Variants in NF1 observed in about 807,000 individuals in gnomAD.
NF1 encodes the protein neurofibromin 1, also known as neurofibromin.
A neutral mutation model predicts 325.7 loss-of-function variants in NF1; 122 were observed. The observed-to-expected ratio is 0.37, with a 90% CI of 0.32 to 0.44. The LOEUF (loss-of-function observed/expected upper bound fraction) is 0.44. NF1 is among the 20% of genes least tolerant of loss of function. The pLI, the probability that NF1 is intolerant of heterozygous loss-of-function variation, is 1.00. For synonymous variants in NF1, 1,091 were observed against 1,186.0 expected, an observed-to-expected ratio of 0.92 and a Z score of 1.65; for missense variants, 2,140 against 3,415.4, an observed-to-expected ratio of 0.63 and a Z score of 9.31.
intron 31 of NF1, among the ~76,000 whole-genome samples, chr17:31,256,823 A>G (rs940084021): frequency 1.3e-5 from 2 of 152,200 alleles, no homozygotes; most frequent in East Asian, 1.9e-4. Flanking sequence ...TCTTCATGCA[A>G]TAAACACTGT....
intron 8 of NF1, among the ~76,000 whole-genome samples, chr17:31,194,272 AAAT>A (rs1463245768): frequency 2.6e-5 from 4 of 152,184 alleles, no homozygotes; most frequent in Non-Finnish European, 5.9e-5. Context: ...ATATTAAGTG[AAAT>A]AAGCCAGGGA....
In NF1 at chr17:31,338,023, A is replaced by G. The variant is rs2069724442; in HGVS notation, c.6705-2A>G. 1 of 1,610,602 alleles carries G rather than the reference A, an allele frequency of 6.2e-7. No individual in the cohort carries two copies. Among genetic ancestry groups the G allele is most frequent in the Non-Finnish European group, 8.5e-7 (1 of 1,176,920 alleles). ...TAAGTTCTGTGGATCTTTTAATTGC[A>G]GATTTGCATTCCAATATAATCCATC... On this transcript the variant is annotated splice_acceptor_variant, in intron 44 of 57. Coordinates refer to ENST00000358273, the MANE Select transcript of NF1 (RefSeq NM_001042492.3). LOFTEE classifies it high-confidence loss of function.
At chr17:31,271,559 G>A (rs902380340) in intron 36 of NF1, among the ~76,000 whole-genome samples, 5 of 151,914 alleles carry the variant, frequency 3.3e-5, no homozygotes, top group Admixed American at 1.3e-4. Context: ...TGAGACCAGC[G>A]TGGCCAACAT....
At chr17:31,207,925 T>C (rs902862281) in intron 12 of NF1, among the ~76,000 whole-genome samples, 1 of 152,166 alleles carries the variant, frequency 6.6e-6, no homozygotes, top group Non-Finnish European at 1.5e-5. Flanking sequence ...TAATATTCAC[T>C]TCCTATTTAA....
intron 5 of NF1, among the ~76,000 whole-genome samples, chr17:31,177,529 G>A (rs990843207): frequency 2.6e-5 from 4 of 152,000 alleles, no homozygotes; most frequent in African/African-American, 9.7e-5. Context: ...TTGACAAATT[G>A]ACAGAAGTAG....
chr17:31,181,345 G>A (rs2066128609), intron 5 of NF1, 77 bp from the exon 6 acceptor site: 1 of 1,332,520 alleles, frequency 7.5e-7, no homozygotes, highest in Non-Finnish European at 1.1e-6. Context: ...ATACGTAAAT[G>A]GAAAGTTATT....
intron 30 of NF1, 44 bp downstream of exon 30, chr17:31,249,163 AT>A (rs2151451850): frequency 6.3e-7 from 1 of 1,596,066 alleles, no homozygotes; most frequent in East Asian, 2.2e-5. Flanking sequence ...CTAAAGTTAA[AT>A]TATGAAGAAT....
At chr17:31,115,376 G>C (rs1450956142) in intron 1 of NF1, among the ~76,000 whole-genome samples, 2 of 152,204 alleles carry the variant, frequency 1.3e-5, no homozygotes, top group African/African-American at 4.8e-5. Context: ...TTCCAGTTCA[G>C]TGGAACTGTG....
At chr17:31,140,540 C>G (rs1231861125) in intron 1 of NF1, among the ~76,000 whole-genome samples, 1 of 152,106 alleles carries the variant, frequency 6.6e-6, no homozygotes, top group African/African-American at 2.4e-5. Context: ...CACTTAAAAT[C>G]CTTATTTTAT....
At chr17:31,160,852 A>G (rs2065749870) in intron 3 of NF1, among the ~76,000 whole-genome samples, 1 of 152,244 alleles carries the variant, frequency 6.6e-6, no homozygotes, top group Admixed American at 6.5e-5. Context: ...CCTAATTGAA[A>G]TGCTAATAAG....
At chr17:31,188,713 C>T (rs1045818381) in intron 8 of NF1, among the ~76,000 whole-genome samples, 2 of 152,222 alleles carry the variant, frequency 1.3e-5, no homozygotes, top group Non-Finnish European at 2.9e-5. Flanking sequence ...CACCCTTAAT[C>T]TGGCTGGCTA....
intron 36 of NF1, chr17:31,297,652 C>T (rs957363864): frequency 6.6e-6 from 1 of 152,120 alleles, no homozygotes; most frequent in African/African-American, 2.4e-5. Flanking sequence ...TATTTTTTAA[C>T]TCCTGCCTTT....
At chr17:31,361,554 G>T (rs1379427320) in intron 57 of NF1, 1 of 152,098 alleles carries the variant, frequency 6.6e-6, no homozygotes, top group Non-Finnish European at 1.5e-5. Flanking sequence ...TTCTAAAATG[G>T]TTAAAAATAA....
chr17:31,135,417 C>G (rs1306558075), intron 1 of NF1, among the ~76,000 whole-genome samples: 1 of 152,058 alleles, frequency 6.6e-6, no homozygotes, highest in East Asian at 1.9e-4. Context: ...TGCCTGTATG[C>G]TTTATGTTTG....
chr17:31,319,148 C>T, intron 36 of NF1: 1 of 992,474 alleles, frequency 1.0e-6, no homozygotes, highest in Non-Finnish European at 1.5e-6. Flanking sequence ...CTAATATTCG[C>T]TACCCTGAAT....
intron 8 of NF1, among the ~76,000 whole-genome samples, chr17:31,183,867 A>G (rs945384190): frequency 6.6e-6 from 1 of 152,184 alleles, no homozygotes; most frequent in Non-Finnish European, 1.5e-5. Context: ...TCAGACTCCA[A>G]GTTCTTTAGT....
intron 1 of NF1, among the ~76,000 whole-genome samples, chr17:31,147,807 G>A (rs565002186): frequency 6.6e-6 from 1 of 152,272 alleles, no homozygotes; most frequent in East Asian, 1.9e-4. Context: ...ATTCTGCTTT[G>A]CTTTTCAGAA....
At chr17:31,145,434 C>T (rs1472093512) in intron 1 of NF1, among the ~76,000 whole-genome samples, 3 of 152,098 alleles carry the variant, frequency 2.0e-5, no homozygotes, top group Admixed American at 6.6e-5. Context: ...TCATGTGATC[C>T]GCCCGCCTCA....
chr17:31,114,557 AAAG>A lies in NF1; in HGVS notation c.60+19191_60+19193del, dbSNP rs1444006407. On this transcript the variant is annotated intron_variant, in intron 1 of 57. Transcript: ENST00000358273. ...TCTCACAAAAAAGAATAAAAAAAAA[AAAG>A]AAAAAAAGACCATGGGCCGGACATG... 4.0e-5 allele frequency among the ~76,000 whole-genome samples: 6 copies of A among 149,844 alleles called. No homozygotes were observed. The East Asian group carries it at 1.2e-3, about 30-fold the overall frequency.
Sources: allele counts gnomAD v4.1 joint callset (sites outside exome capture counted in the v4.1 genomes callset), GRCh38; gene constraint gnomAD v4.1.1; transcripts MANE v1.5; gene names NCBI Gene and HGNC (gene_info 2026-07-23, HGNC 2026-07-21).